Variants in DOCK10 observed in about 807,000 individuals in gnomAD.
DOCK10 encodes the protein dedicator of cytokinesis 10.
A neutral mutation model predicts 280.1 loss-of-function variants in DOCK10; 145 were observed. That is an observed-to-expected ratio of 0.52 (90% CI 0.45 to 0.59). DOCK10 has a LOEUF of 0.59. Ranked by LOEUF, DOCK10 falls within the 20% of genes least tolerant of loss-of-function variation. The probability of loss-of-function intolerance (pLI) is 0.00; values close to 1 mark genes in which losing one functional copy is unlikely to be tolerated. For missense variants in DOCK10, 2,368 were observed against 2,651.7 expected (o/e 0.89, Z 2.35); for synonymous variants, 915 against 942.2 (o/e 0.97, Z 0.53).
chr2:224,808,815 G>T (rs1016942559), intron 31 of DOCK10, among the ~76,000 whole-genome samples: 1 of 152,042 alleles, frequency 6.6e-6, no homozygotes, highest in African/African-American at 2.4e-5. Context: ...ATATGGTGTG[G>T]CAGGGTGTAA....
At chr2:224,898,710 A>G (rs964191803) in intron 3 of DOCK10, among the ~76,000 whole-genome samples, 1 of 152,100 alleles carries the variant, frequency 6.6e-6, no homozygotes, top group Admixed American at 6.5e-5. Context: ...CGGAGTAGCC[A>G]GGACTACAGG....
chr2:224,859,756 AG>A (rs1036101674), intron 14 of DOCK10, among the ~76,000 whole-genome samples: 4 of 152,234 alleles, frequency 2.6e-5, no homozygotes, highest in Admixed American at 2.6e-4. Context: ...AAAGCGTAAC[AG>A]GAAGGAGCAG....
intron 2 of DOCK10, among the ~76,000 whole-genome samples, chr2:224,931,133 T>C (rs1702344169): frequency 6.6e-6 from 1 of 152,126 alleles, no homozygotes; most frequent in African/African-American, 2.4e-5. Flanking sequence ...AGATTAAGGG[T>C]GATTTTTAAG....
intron 1 of DOCK10, among the ~76,000 whole-genome samples, chr2:224,955,125 C>T (rs1484830765): frequency 1.3e-5 from 2 of 152,164 alleles, no homozygotes; most frequent in Admixed American, 6.5e-5. Flanking sequence ...AAACAAGCAC[C>T]TAAAATTGCC....
intron 18 of DOCK10, among the ~76,000 whole-genome samples, chr2:224,851,300 A>T (rs1440044063): frequency 6.6e-6 from 1 of 152,104 alleles, no homozygotes; most frequent in Non-Finnish European, 1.5e-5. Flanking sequence ...CCTCACAAAA[A>T]CACTGCTCTA....
At chr2:224,847,301 G>A (rs1438420347) in intron 19 of DOCK10, among the ~76,000 whole-genome samples, 2 of 152,190 alleles carry the variant, frequency 1.3e-5, no homozygotes, top group Non-Finnish European at 2.9e-5. Context: ...AGGAAGCAGG[G>A]CTGCACATGT....
chr2:224,892,184 G>A (rs1699707667), intron 4 of DOCK10, among the ~76,000 whole-genome samples: 1 of 151,876 alleles, frequency 6.6e-6, no homozygotes, highest in Non-Finnish European at 1.5e-5. Context: ...ATCGCTTGAG[G>A]TCAGGAGTTA....
At chr2:225,016,318 A>G (rs1408949522) in intron 1 of DOCK10, among the ~76,000 whole-genome samples, 1 of 152,158 alleles carries the variant, frequency 6.6e-6, no homozygotes, top group African/African-American at 2.4e-5. Context: ...TTTTATGTTC[A>G]AAACAAGTGT....
At chr2:224,795,850 G>T (rs1248556794) in intron 44 of DOCK10, among the ~76,000 whole-genome samples, 1 of 152,098 alleles carries the variant, frequency 6.6e-6, no homozygotes, top group Non-Finnish European at 1.5e-5. Context: ...CCCAAATAGA[G>T]TTAGGAGTGT....
intron 1 of DOCK10, among the ~76,000 whole-genome samples, chr2:224,967,340 A>G (rs946488952): frequency 1.3e-5 from 2 of 152,086 alleles, no homozygotes; most frequent in Non-Finnish European, 2.9e-5. Flanking sequence ...TCGGCCTCCC[A>G]AAGTGCTGGG....
rs116645221 is a variant in DOCK10 at position 224,829,633 on chromosome 2, C to T, written c.3036+908G>A. On this transcript the variant is annotated intron_variant, in intron 27 of 55. Coordinates refer to ENST00000258390, the MANE Select transcript of DOCK10 (RefSeq NM_014689.3). ...CTTGGTCTTCCTCACTCCATTGTAACTGTGAATGGCCATAGGTACCAACTC... is the reference window on the plus strand; with the variant it reads ...CTTGGTCTTCCTCACTCCATTGTAATTGTGAATGGCCATAGGTACCAACTC... Among the ~76,000 whole-genome samples, 327 of 152,286 alleles carry T rather than the reference C, an allele frequency of 2.1e-3. 2 individuals are homozygous for T. Among genetic ancestry groups the T allele is most frequent in the African/African-American group, 7.5e-3 (313 of 41,554 alleles).
chr2:224,787,826 T>A (rs374639231), intron 48 of DOCK10, among the ~76,000 whole-genome samples: 2 of 152,202 alleles, frequency 1.3e-5, no homozygotes, highest in African/African-American at 2.4e-5. Flanking sequence ...AACTCTAGCA[T>A]GGCCTTCAAG....
chr2:224,916,646 G>T (rs767774731), intron 3 of DOCK10, 49 bp downstream of exon 3: 2 of 1,359,862 alleles, frequency 1.5e-6, no homozygotes, highest in Non-Finnish European at 2.0e-6. Context: ...AGAATCCCCT[G>T]GGAAAAAGCA....
rs147919876 is a variant in DOCK10, at chr2:224,983,933, T to C, written c.124-52265A>G. On this transcript the variant is annotated intron_variant, in intron 1 of 55. Transcript: ENST00000258390. ...TTTTACTCTAAACAACTAGGGCATT[T>C]ACTGAAGAGAGGCTACGACTTAGCC... The C allele has an allele frequency of 4.3e-4, 200 of 466,662 alleles. 1 individual carries two copies. The East Asian group carries it at 6.7e-3, about 16-fold the overall frequency. The allele number at this position is 466,662 out of a possible 1,614,324, so 28.9% of individuals were successfully genotyped here.
intron 1 of DOCK10, among the ~76,000 whole-genome samples, chr2:224,993,374 A>G (rs1262591406): frequency 6.6e-6 from 1 of 152,154 alleles, no homozygotes; most frequent in African/African-American, 2.4e-5. Flanking sequence ...GATAATCCAA[A>G]TGGAGCACTT....
At chr2:224,867,735 G>T (rs76590150) in intron 11 of DOCK10, among the ~76,000 whole-genome samples, 2 of 152,162 alleles carry the variant, frequency 1.3e-5, no homozygotes, top group Admixed American at 1.3e-4. Flanking sequence ...GGTAGGAAGC[G>T]TTTGTGGGAG....
intron 1 of DOCK10, among the ~76,000 whole-genome samples, chr2:225,034,582 T>C (rs540046645): frequency 6.6e-5 from 10 of 152,314 alleles, no homozygotes; most frequent in African/African-American, 2.4e-4. Context: ...GTAATGTACA[T>C]TCGGCCCACC....
At chr2:224,999,499 C>T (rs1706368384) in intron 1 of DOCK10, among the ~76,000 whole-genome samples, 1 of 151,256 alleles carries the variant, frequency 6.6e-6, no homozygotes. Flanking sequence ...CCCTTCCTGC[C>T]TCCCTCCCTC....
At chr2:224,806,516 T>TA (rs1693406010) in intron 33 of DOCK10, among the ~76,000 whole-genome samples, 1 of 152,200 alleles carries the variant, frequency 6.6e-6, no homozygotes, top group South Asian at 2.1e-4. Flanking sequence ...ATTGATATAT[T>TA]CATGGATCAC....
Sources: allele counts gnomAD v4.1 joint callset (sites outside exome capture counted in the v4.1 genomes callset), GRCh38; gene constraint gnomAD v4.1.1; transcripts MANE v1.5; gene names NCBI Gene and HGNC (gene_info 2026-07-23, HGNC 2026-07-21).